Variants in CHD6 observed in about 807,000 individuals in gnomAD.
CHD6 encodes the protein ATP-dependent chromatin remodeler CHD6.
In CHD6, 50 loss-of-function variants were observed where a neutral mutation model predicts 276.9. The ratio of observed to expected loss-of-function variants is 0.18; its 90% CI spans 0.14 to 0.23. CHD6 has a LOEUF of 0.23. CHD6 is among the 10% of genes least tolerant of loss of function. The pLI, the probability that CHD6 is intolerant of heterozygous loss-of-function variation, is 1.00. For missense variants in CHD6, 2,564 were observed against 3,365.8 expected (o/e 0.76, Z 5.89); for synonymous variants, 1,173 against 1,229.3 (o/e 0.95, Z 0.96).
chr20:41,457,425 G>C lies in CHD6; in HGVS notation c.2668C>G (p.Gln890Glu). ...TGGCCTATGCGGTGACATCGGGCCTGAGCCTGGGAAGAAGAAGAGTCATAT... is the reference window on the plus strand; with the variant it reads ...TGGCCTATGCGGTGACATCGGGCCTCAGCCTGGGAAGAAGAAGAGTCATAT... ...DWNPQNDLQA[Q>E]ARCHRIGQSK... Residue 890 changes from glutamine to glutamate, a missense_variant, in exon 18 of 37, where the codon CAG becomes GAG. Gln to Glu is a conservative substitution (Grantham distance 29). This residue lies in a region of CHD6 where 457 missense variants were observed against 889.0 expected (regional missense o/e 0.51). Coordinates refer to ENST00000373233, the MANE Select transcript of CHD6 (RefSeq NM_032221.5). 1.9e-6 allele frequency: 3 copies of C among 1,608,604 alleles called. No individual in the cohort carries two copies. Among genetic ancestry groups the C allele is most frequent in the Non-Finnish European group, 2.6e-6 (3 of 1,175,480 alleles).
chr20:41,490,043 G>C, intron 11 of CHD6, 22 bp from the exon 12 acceptor site: 1 of 1,606,648 alleles, frequency 6.2e-7, no homozygotes, highest in Non-Finnish European at 8.5e-7. Context: ...GAGAAATATA[G>C]GTAATTCATT....
chr20:41,455,183 ACACTGAACGTCC>A (rs1173510681), intron 19 of CHD6, among the ~76,000 whole-genome samples: 1 of 152,200 alleles, frequency 6.6e-6, no homozygotes, highest in Non-Finnish European at 1.5e-5. Flanking sequence ...TCCTTATAAA[ACACTGAACGTCC>A]CACTAAAAAA....
At chr20:41,447,828 A>G in intron 24 of CHD6, 54 bp downstream of exon 24, 3 of 1,315,740 alleles carry the variant, frequency 2.3e-6, no homozygotes, top group Non-Finnish European at 3.2e-6. Flanking sequence ...CTCCATGAAT[A>G]GGCATTTTAT....
intron 1 of CHD6, among the ~76,000 whole-genome samples, chr20:41,573,936 C>T (rs866747836): frequency 6.6e-5 from 10 of 152,106 alleles, no homozygotes; most frequent in African/African-American, 2.4e-4. Context: ...CAGCTCTGGG[C>T]CTTTAGAGAC....
Position 41,403,254 on chromosome 20 carries a change from A to T in CHD6, c.*1339T>A. Reference sequence around the variant, plus strand: ...TGCAACATTTCCAAGGGTCCTGCGCAGCCCTGCGCCCCCAGAGTACTGAAC... The same window carrying T: ...TGCAACATTTCCAAGGGTCCTGCGCTGCCCTGCGCCCCCAGAGTACTGAAC... On this transcript the variant is annotated 3_prime_UTR_variant, in exon 37 of 37. Transcript: ENST00000373233. The T allele has an allele frequency of 9.4e-7, 1 of 1,062,092 alleles. No homozygotes were observed. The highest frequency in any genetic ancestry group is 1.1e-6 in the Non-Finnish European group (1 of 876,838). 65.8% of individuals were successfully genotyped at this position (1,062,092 alleles called of 1,614,324 possible). A position where few individuals can be genotyped will look rare whatever the true frequency, so the allele number is the denominator to read the frequency against.
rs142905445 is a variant in CHD6 at position 41,531,912 on chromosome 20, T to A, written c.554+1138A>T. Among the ~76,000 whole-genome samples, 223 of 152,270 alleles carry A rather than the reference T, an allele frequency of 1.5e-3. 2 individuals carry two copies. Among genetic ancestry groups the A allele is most frequent in the Admixed American group, 0.012 (176 of 15,292 alleles). ...ACTTTATGTTTTGTTAGTATCCACA[T>A]CAGTCTGTGTTTTTTTATGAGTGCT... On this transcript the variant is annotated intron_variant, in intron 3 of 36. Coordinates refer to ENST00000373233, the MANE Select transcript of CHD6 (RefSeq NM_032221.5).
At chr20:41,412,448 T>A (rs1051008453) in intron 35 of CHD6, among the ~76,000 whole-genome samples, 185 bp from the exon 36 acceptor site, 22 of 152,236 alleles carry the variant, frequency 1.4e-4, no homozygotes, top group Non-Finnish European at 3.1e-4. Context: ...GAAGCACCAG[T>A]GTTCCTACAG....
At chr20:41,462,432 T>C (rs1008195789) in intron 17 of CHD6, among the ~76,000 whole-genome samples, 1 of 152,232 alleles carries the variant, frequency 6.6e-6, no homozygotes. Flanking sequence ...TAAGTATGTA[T>C]AGTGTTTTAA....
chr20:41,427,571 C>T (rs200912010), intron 27 of CHD6, among the ~76,000 whole-genome samples: 2 of 152,068 alleles, frequency 1.3e-5, no homozygotes, highest in East Asian at 1.9e-4. Context: ...ATTTGAGAGC[C>T]AACACTTTCA....
chr20:41,532,486 A>T (rs1287058185), intron 3 of CHD6, among the ~76,000 whole-genome samples: 1 of 152,180 alleles, frequency 6.6e-6, no homozygotes, highest in East Asian at 1.9e-4. Context: ...CTGTTCCAAA[A>T]ATCACTGCCC....
At position 41,415,420 on chromosome 20, in the gene CHD6, C is replaced by T. The variant is rs1293788937; in HGVS notation, c.6705G>A (p.Val2235=). 1.2e-6 allele frequency: 2 copies of T among 1,612,560 alleles called. No homozygotes were observed. Among genetic ancestry groups the T allele is most frequent in the Non-Finnish European group, 1.7e-6 (2 of 1,179,262 alleles). The part of the protein sequence containing the change: ...GSPGATSPFP[V]SASTPKIGAI... ...CCCCAATCTTAGGGGTGCTGGCGCTCACTGGGAAAGGGGATGTGGCTCCTG... is the reference window on the plus strand; with the variant it reads ...CCCCAATCTTAGGGGTGCTGGCGCTTACTGGGAAAGGGGATGTGGCTCCTG... Residue 2235 remains valine (V), a synonymous_variant, in exon 34 of 37, where the codon GTG becomes GTA. Transcript: ENST00000373233.
At chr20:41,569,703 CAAT>C (rs1277219716) in intron 1 of CHD6, among the ~76,000 whole-genome samples, 4 of 151,962 alleles carry the variant, frequency 2.6e-5, no homozygotes, top group African/African-American at 9.7e-5. Context: ...TATTTAATAA[CAAT>C]AAGGCAATTA....
At chr20:41,558,534 T>C (rs1448990761) in intron 1 of CHD6, among the ~76,000 whole-genome samples, 1 of 152,218 alleles carries the variant, frequency 6.6e-6, no homozygotes, top group Non-Finnish European at 1.5e-5. Flanking sequence ...CATTCCTTCT[T>C]ACACTCACCA....
At chr20:41,539,944 T>A (rs1191768637) in intron 2 of CHD6, among the ~76,000 whole-genome samples, 4 of 152,210 alleles carry the variant, frequency 2.6e-5, no homozygotes, top group Admixed American at 1.3e-4. Context: ...TATGGTCTAA[T>A]CACATTTTTG....
chr20:41,458,795 C>T (rs763065852), intron 17 of CHD6, among the ~76,000 whole-genome samples: 1 of 151,886 alleles, frequency 6.6e-6, no homozygotes, highest in Admixed American at 6.6e-5. Context: ...GTTTTTTCTC[C>T]CTGAGTAAGC....
intron 2 of CHD6, among the ~76,000 whole-genome samples, chr20:41,535,752 G>C (rs1226065439): frequency 1.3e-5 from 2 of 152,112 alleles, no homozygotes; most frequent in Non-Finnish European, 2.9e-5. Flanking sequence ...TGTAGTCCTA[G>C]CTACTTAGGA....
In CHD6 at chr20:41,523,986, C is replaced by T. The variant is rs550307468; in HGVS notation, c.555-9034G>A. Among the ~76,000 whole-genome samples the T allele has an allele frequency of 2.4e-4, 37 of 152,208 alleles. No individual in the cohort carries two copies. In the South Asian group the frequency reaches 6.6e-3, roughly 27 times the overall value. The stretch of plus-strand genomic sequence containing the variant: ...CCATCAGAGCCTTACGGAAAGAATG[C>T]GTTACTACTACAGCCACCGAAAATA... On this transcript the variant is annotated intron_variant, in intron 3 of 36. Transcript: ENST00000373233.
At chr20:41,479,815 T>C (rs2043255045) in intron 16 of CHD6, among the ~76,000 whole-genome samples, 1 of 152,202 alleles carries the variant, frequency 6.6e-6, no homozygotes, top group Non-Finnish European at 1.5e-5. Context: ...ATCTATTTAG[T>C]ATCCAGCACC....
intron 17 of CHD6, among the ~76,000 whole-genome samples, chr20:41,471,991 T>C (rs1409756151): frequency 2.0e-5 from 3 of 151,902 alleles, no homozygotes; most frequent in Non-Finnish European, 4.4e-5. Flanking sequence ...CCCACCACTT[T>C]GGGAGGCCGA....
Sources: gnomAD v4.1 joint callset for allele counts (sites outside exome capture counted in the v4.1 genomes callset) on GRCh38, gnomAD v4.1.1 for gene constraint, gnomAD v4.1.1 regional missense constraint, MANE v1.5 for transcripts, NCBI Gene and HGNC (gene_info 2026-07-23, HGNC 2026-07-21) for gene names.